Variants in TEX14 observed in about 807,000 individuals in gnomAD.
The protein encoded by TEX14 is inactive serine/threonine-protein kinase TEX14.
TEX14 carries 168 observed loss-of-function variants against 178.6 expected under a neutral mutation model. That is an observed-to-expected ratio of 0.94 (90% confidence interval 0.83 to 1.07). The LOEUF (loss-of-function observed/expected upper bound fraction) is 1.07, where lower values mean the gene tolerates loss of function less well. Ranked by LOEUF, TEX14 falls within the 50% of genes least tolerant of loss-of-function variation. The probability of loss-of-function intolerance (pLI) is 0.00; values close to 1 mark genes in which losing one functional copy is unlikely to be tolerated. For missense variants in TEX14, 1,730 were observed against 1,753.6 expected, an observed-to-expected ratio of 0.99 and a Z score of 0.24; for synonymous variants, 626 against 634.1, an observed-to-expected ratio of 0.99 and a Z score of 0.19.
At chr17:58,674,132 T>C (rs779923753) in intron 1 of TEX14, among the ~76,000 whole-genome samples, 11 of 151,726 alleles carry the variant, frequency 7.2e-5, no homozygotes, top group Admixed American at 1.3e-4. Context: ...AAAATTTAGC[T>C]GGGTGTGGTG....
At chr17:58,624,200 C>T (rs2046077276) in intron 3 of TEX14, among the ~76,000 whole-genome samples, 2 of 151,716 alleles carry the variant, frequency 1.3e-5, no homozygotes, top group African/African-American at 2.4e-5. Context: ...CTAAGAATGG[C>T]GTAATGGCAT....
Position 58,577,456 on chromosome 17 carries a change from C to T in TEX14, c.3239G>A (p.Gly1080Asp), listed in dbSNP as rs2044705775. The change falls in exon 21 of 32, where the codon GGT (glycine) becomes GAT (aspartate). Residue 1080 changes from glycine (G) to aspartate (D), a missense_variant and splice_region_variant. Physicochemically the swap from Gly to Asp is moderately conservative, Grantham distance 94. Transcript: ENST00000349033. The stretch of plus-strand genomic sequence containing the variant: ...TTTTCTCATTTGGAACTTTTCCTCA[C>T]CTGAAAGAATAAAGTTAAAAATATA... The part of the protein sequence containing the change: ...QGAFAQPQVS[G>D]EEKFQMRKIL... 1 of 1,364,802 alleles carries T rather than the reference C, an allele frequency of 7.3e-7. No homozygotes were observed. The highest frequency in any genetic ancestry group is 2.6e-5 in the East Asian group (1 of 38,318). 84.5% of individuals were successfully genotyped at this position (1,364,802 alleles called of 1,614,324 possible). A position where few individuals can be genotyped will look rare whatever the true frequency, so the allele number is the denominator to read the frequency against.
chr17:58,569,389 G>A lies in TEX14; in HGVS notation c.3818-129C>T. 2.9e-6 allele frequency: 2 copies of A among 689,560 alleles called. No homozygotes were observed. Among genetic ancestry groups the A allele is most frequent in the Non-Finnish European group, 5.0e-6 (2 of 399,292 alleles). The allele number at this position is 689,560 out of a possible 1,614,324, so 42.7% of individuals were successfully genotyped here. On this transcript the variant is annotated intron_variant, in intron 25 of 31. Transcript: ENST00000349033. The surrounding 1 kb of genome is among the most constrained non-coding windows in gnomAD (Gnocchi z 4.1). ...ATGATGAAACAAACTAAGGAGGAAG[G>A]AAGCCTCTTACATAATAGTTCCAGT...
chr17:58,557,305 C>T (rs1464755259), intron 31 of TEX14, among the ~76,000 whole-genome samples: 1 of 150,242 alleles, frequency 6.7e-6, no homozygotes, highest in Non-Finnish European at 1.5e-5. Context: ...GAGTCTTGCT[C>T]TTATCCCCCA....
chr17:58,568,030 T>C (rs1397580385), intron 26 of TEX14: 1 of 152,268 alleles, frequency 6.6e-6, no homozygotes, highest in Non-Finnish European at 1.5e-5. Context: ...AGAATCTACC[T>C]GAGCAGGACA....
At position 58,599,295 on chromosome 17, in the gene TEX14, C is replaced by T. The variant is rs565748296; in HGVS notation, c.2050G>A (p.Ala684Thr). 5.6e-6 allele frequency: 9 copies of T among 1,613,404 alleles called. No individual in the cohort carries two copies. In the South Asian group the frequency reaches 6.6e-5, roughly 12 times the overall value. The change falls in exon 14 of 32, where the codon GCT (alanine) becomes ACT (threonine). Residue 684 changes from alanine (A) to threonine (T), a missense_variant. This residue lies in a region of TEX14 where 941 missense variants were observed against 1,072.4 expected (regional missense o/e 0.88). Transcript: ENST00000349033. ...TCATCAAAAGAGTACTCTGTCTCAG[C>T]TTTTGAAGAGCTCTCATCCTCACTG... is the stretch of plus-strand genomic sequence containing the variant. The part of the protein sequence containing the change: ...FGSEDESSSK[A>T]ETEYSFDDWD...
chr17:58,594,773 A>C (rs1044708647), intron 14 of TEX14, among the ~76,000 whole-genome samples: 1 of 152,246 alleles, frequency 6.6e-6, no homozygotes, highest in Non-Finnish European at 1.5e-5. Flanking sequence ...AAAGGTTACA[A>C]TACTTAGGAA....
chr17:58,594,259 C>G (rs1414374569), intron 14 of TEX14, among the ~76,000 whole-genome samples: 1 of 151,952 alleles, frequency 6.6e-6, no homozygotes, highest in Non-Finnish European at 1.5e-5. Flanking sequence ...TTTCCCCCTC[C>G]TATATGAATA....
intron 28 of TEX14, among the ~76,000 whole-genome samples, chr17:58,563,941 A>AACTACAGTGAGGC (rs1860342302): frequency 6.6e-6 from 1 of 151,422 alleles, no homozygotes; most frequent in Admixed American, 6.6e-5. Context: ...GGAAAACTAA[A>AACTACAGTGAGGC]ACTACAGTGA....
intron 2 of TEX14, among the ~76,000 whole-genome samples, chr17:58,641,657 C>A (rs1169443279): frequency 6.6e-6 from 1 of 151,598 alleles, no homozygotes; most frequent in African/African-American, 2.4e-5. Flanking sequence ...TAGGTATGCA[C>A]CACCACACTC....
chr17:58,623,252 G>A (rs1353123579), intron 3 of TEX14, among the ~76,000 whole-genome samples: 1 of 151,582 alleles, frequency 6.6e-6, no homozygotes. Flanking sequence ...CTTCAAGGAA[G>A]TATCATTTCC....
chr17:58,632,235 A>G (rs1475746652), intron 2 of TEX14, among the ~76,000 whole-genome samples: 1 of 152,206 alleles, frequency 6.6e-6, no homozygotes, highest in Non-Finnish European at 1.5e-5. Context: ...GCGATAATTC[A>G]AAGCCAAAGA....
Position 58,577,424 on chromosome 17 carries a change from CAA to C in TEX14, c.3269_3270del (p.Leu1090ArgfsTer5). 6.6e-7 allele frequency: 1 copy of C among 1,508,310 alleles called. No individual in the cohort carries two copies. 93.4% of individuals were successfully genotyped at this position (1,508,310 alleles called of 1,614,324 possible). A position where few individuals can be genotyped will look rare whatever the true frequency, so the allele number is the denominator to read the frequency against. On this transcript the variant is annotated frameshift_variant, in exon 21 of 32. Transcript: ENST00000349033. LOFTEE classifies it high-confidence loss of function. ...GEEKFQMRKI[L>X]GKNAEILPRS... Reference sequence around the variant, plus strand: ...CTGGGCAAAATCTCAGCATTCTTTCCAAGAATTTTTCTCATTTGGAACTTTTC... The same window carrying C: ...CTGGGCAAAATCTCAGCATTCTTTCCGAATTTTTCTCATTTGGAACTTTTC...
chr17:58,599,049 C>T lies in TEX14; in HGVS notation c.2296G>A (p.Glu766Lys). ...GTGGCCCATAAAGACATGCGCTCTT[C>T]CTGTTCCTTCTGTTTCATCTCGACT... The part of the protein sequence containing the change: ...DEVEMKQKEQ[E>K]ERMSLWATSR... The change falls in exon 14 of 32, where the codon GAA becomes AAA. Residue 766 changes from glutamate (E) to lysine (K), a missense_variant. This residue lies in a region of TEX14 where 941 missense variants were observed against 1,072.4 expected (regional missense o/e 0.88). Transcript: ENST00000349033. 6.2e-7 allele frequency: 1 copy of T among 1,614,168 alleles called. No individual in the cohort carries two copies.
chr17:58,687,250 A>C (rs527481794), intron 1 of TEX14, among the ~76,000 whole-genome samples: 13 of 152,226 alleles, frequency 8.5e-5, no homozygotes, highest in Admixed American at 6.6e-4. Context: ...CTCTGGACTC[A>C]GCAGCTGACC....
chr17:58,584,737 T>C, intron 18 of TEX14, 137 bp from the exon 19 acceptor site: 3 of 694,130 alleles, frequency 4.3e-6, no homozygotes, highest in Non-Finnish European at 7.5e-6. Flanking sequence ...TTAGGTTCAG[T>C]CCAGAGAGTA....
At chr17:58,679,908 A>AT (rs1277985721) in intron 1 of TEX14, among the ~76,000 whole-genome samples, 1 of 152,134 alleles carries the variant, frequency 6.6e-6, no homozygotes, top group Admixed American at 6.6e-5. Context: ...GCGCTTATCT[A>AT]CATACTCCAC....
At chr17:58,653,648 T>C (rs1219434203) in intron 1 of TEX14, among the ~76,000 whole-genome samples, 3 of 152,178 alleles carry the variant, frequency 2.0e-5, no homozygotes, top group Non-Finnish European at 2.9e-5. Context: ...CATCTCCTTA[T>C]TCTGCAGCCC....
rs774441959 is a variant in TEX14, at chr17:58,615,318, T to C, written c.795A>G (p.Thr265=). The C allele has an allele frequency of 1.2e-6, 2 of 1,612,912 alleles. No homozygotes were observed. Among genetic ancestry groups the C allele is most frequent in the Non-Finnish European group, 1.7e-6 (2 of 1,178,938 alleles). The change falls in exon 8 of 32, where the codon ACA becomes ACG. Residue 265 remains threonine (T), a synonymous_variant. Coordinates refer to ENST00000349033, the MANE Select transcript of TEX14 (RefSeq NM_031272.5). ...GGGTGGGGAGATTCAGCTCTTTCACTGTGACCCTGCTCCCATTCCACACTA... is the reference window on the plus strand; with the variant it reads ...GGGTGGGGAGATTCAGCTCTTTCACCGTGACCCTGCTCCCATTCCACACTA... The part of the protein sequence containing the change: ...TNLVWNGSRV[T]VKELNLPTHP...
Sources: gnomAD v4.1 joint callset for allele counts (sites outside exome capture counted in the v4.1 genomes callset) on GRCh38, gnomAD v4.1.1 for gene constraint, gnomAD v4.1.1 regional missense constraint, Gnocchi (gnomAD v3.1) non-coding constraint, MANE v1.5 for transcripts, NCBI Gene and HGNC (gene_info 2026-07-23, HGNC 2026-07-21) for gene names.